NUP188: variants seen among roughly 807,000 people sequenced by gnomAD.
NUP188 encodes nucleoporin 188.
In NUP188, 97 loss-of-function variants were observed where a neutral mutation model predicts 223.0. The observed-to-expected ratio is 0.43, with a 90% confidence interval of 0.37 to 0.51. NUP188 has a LOEUF of 0.51. Among genes scored for constraint, NUP188 ranks in the 20% least tolerant of loss-of-function variants. The probability of loss-of-function intolerance (pLI) is 0.00; values close to 1 mark genes in which losing one functional copy is unlikely to be tolerated. For synonymous variants in NUP188, 869 were observed against 828.0 expected, an observed-to-expected ratio of 1.05 and a Z score of -0.85; for missense variants, 1,947 against 2,175.6, an observed-to-expected ratio of 0.89 and a Z score of 2.09.
intron 6 of NUP188, 58 bp downstream of exon 6, chr9:128,958,112 C>A (rs1257775036): frequency 3.6e-6 from 5 of 1,380,980 alleles, no homozygotes; most frequent in Non-Finnish European, 4.1e-6. Flanking sequence ...AGCTTCTTGA[C>A]CTCATTTTCC....
In NUP188 at chr9:128,966,260, C is replaced by G. The variant is rs943681919; in HGVS notation, c.586-2246C>G. On this transcript the variant is annotated intron_variant, in intron 8 of 43. Coordinates refer to ENST00000372577, the MANE Select transcript of NUP188 (RefSeq NM_015354.3). ...TTTCTGTCTCTGTCTGTCTCTGTGT[C>G]TGTGTGTGTGTGTGTGTGTGTGTGT... is the stretch of plus-strand genomic sequence containing the variant. 1.5e-4 allele frequency among the ~76,000 whole-genome samples: 21 copies of G among 139,640 alleles called. 1 individual carries two copies. Among genetic ancestry groups the G allele is most frequent in the South Asian group, 1.2e-3 (5 of 4,280 alleles). The allele number at this position is 139,640 out of a possible 152,430, so 91.6% of individuals were successfully genotyped here.
intron 12 of NUP188, among the ~76,000 whole-genome samples, chr9:128,975,565 G>C (rs1473033225): frequency 6.6e-6 from 1 of 151,888 alleles, no homozygotes; most frequent in Non-Finnish European, 1.5e-5. Context: ...TGTCGCCCAG[G>C]CTGGAGAGTA....
chr9:128,968,552 A>C lies in NUP188; in HGVS notation c.632A>C (p.Gln211Pro). The C allele has an allele frequency of 6.2e-7, 1 of 1,614,228 alleles. No individual in the cohort carries two copies. Among genetic ancestry groups the C allele is most frequent in the East Asian group, 2.2e-5 (1 of 44,894 alleles). The change falls in exon 9 of 44, where the codon CAG (glutamine) becomes CCG (proline). Residue 211 changes from glutamine (Q) to proline (P), a missense_variant. Physicochemically the swap from Gln to Pro is moderately conservative, Grantham distance 76. Around this residue, in one of 3 missense-constraint regions of NUP188, gnomAD observed 817 missense variants for 865.8 expected, o/e 0.94. Coordinates refer to ENST00000372577, the MANE Select transcript of NUP188 (RefSeq NM_015354.3). ...TGGTTTGTTCAGTGCCTTCGGGAAC[A>C]GTCCATGCTGCTAGAAATTATTTTC... The part of the protein sequence containing the change: ...SRWFVQCLRE[Q>P]SMLLEIIFLY...
intron 8 of NUP188, among the ~76,000 whole-genome samples, chr9:128,960,685 C>T (rs1191820291): frequency 2.0e-5 from 3 of 152,188 alleles, no homozygotes; most frequent in Non-Finnish European, 2.9e-5. Context: ...CACAGTGGCT[C>T]ATGCCTGTAA....
intron 8 of NUP188, among the ~76,000 whole-genome samples, chr9:128,965,156 T>A (rs1296389282): frequency 6.6e-6 from 1 of 152,166 alleles, no homozygotes; most frequent in Non-Finnish European, 1.5e-5. Context: ...ATTCTTTTAT[T>A]TATTGATTAA....
At chr9:128,964,229 GTTT>G (rs1229353003) in intron 8 of NUP188, 2 of 363,390 alleles carry the variant, frequency 5.5e-6, no homozygotes, top group Non-Finnish European at 1.1e-5. Context: ...TTATCCCATT[GTTT>G]TTTGTGGATG....
intron 8 of NUP188, among the ~76,000 whole-genome samples, chr9:128,962,646 C>T (rs370972790): frequency 1.2e-4 from 18 of 152,000 alleles, no homozygotes; most frequent in African/African-American, 4.1e-4. Context: ...GGCCACAGAG[C>T]GAGACTCTGT....
chr9:128,956,917 T>G, intron 4 of NUP188, 35 bp from the exon 5 acceptor site: 18 of 1,470,522 alleles, frequency 1.2e-5, no homozygotes, highest in Non-Finnish European at 1.6e-5. Context: ...GTGCGATTTC[T>G]GAGCTGTTCC....
intron 25 of NUP188, among the ~76,000 whole-genome samples, chr9:128,991,211 C>G (rs1026237860): frequency 7.0e-6 from 1 of 142,334 alleles, no homozygotes; most frequent in African/African-American, 2.6e-5. Context: ...GTCTCCAAGG[C>G]TGTGCTCCAC....
intron 8 of NUP188, among the ~76,000 whole-genome samples, chr9:128,961,271 A>G (rs560757047): frequency 7.2e-5 from 11 of 152,010 alleles, no homozygotes; most frequent in Middle Eastern, 3.4e-3. Flanking sequence ...CAGAGGTTGC[A>G]GTGAGCCGAG....
intron 8 of NUP188, among the ~76,000 whole-genome samples, chr9:128,962,439 C>G (rs17455349): frequency 6.6e-6 from 1 of 151,960 alleles, no homozygotes; most frequent in African/African-American, 2.4e-5. Flanking sequence ...TTAGTAGAGA[C>G]AGGGTTTCAC....
chr9:129,002,947 T>C lies in NUP188; in HGVS notation c.4268T>C (p.Val1423Ala). ...YNFLPEALDFVGVHQERTLQC... is the reference protein window; with the variant it reads ...YNFLPEALDFAGVHQERTLQC... The stretch of plus-strand genomic sequence containing the variant: ...TTCCTGCCTGAGGCCCTGGACTTCG[T>C]GGGTGTCCACCAGGAGCGGACCTTA... The change falls in exon 37 of 44, where the codon GTG becomes GCG. Residue 1423 changes from valine (V) to alanine (A), a missense_variant. Physicochemically the swap from Val to Ala is moderately conservative, Grantham distance 64 (BLOSUM62 0). Transcript: ENST00000372577. 6.2e-7 allele frequency: 1 copy of C among 1,614,178 alleles called. No homozygotes were observed. The highest frequency in any genetic ancestry group is 8.5e-7 in the Non-Finnish European group (1 of 1,180,024).
At chr9:128,951,944 C>G (rs1245551591) in intron 2 of NUP188, among the ~76,000 whole-genome samples, 1 of 152,064 alleles carries the variant, frequency 6.6e-6, no homozygotes. Flanking sequence ...AGGCATACAC[C>G]ACCACGCCCA....
At chr9:129,001,265 T>C (rs1266643289) in intron 34 of NUP188, among the ~76,000 whole-genome samples, 1 of 142,704 alleles carries the variant, frequency 7.0e-6, no homozygotes, top group Non-Finnish European at 1.5e-5. Context: ...GTGGTGGCAG[T>C]GTGGGAGGTG....
chr9:128,949,150 C>T, intron 1 of NUP188, 39 bp from the exon 2 acceptor site: 1 of 1,536,168 alleles, frequency 6.5e-7, no homozygotes, highest in Non-Finnish European at 9.0e-7. Context: ...TTTGTATGAT[C>T]AGAAAGAGCA....
rs913576817 is a variant in NUP188 at position 129,000,907 on chromosome 9, G to A, written c.3844-622G>A. Among the ~76,000 whole-genome samples, 33 of 151,868 alleles carry A rather than the reference G, an allele frequency of 2.2e-4. 1 individual carries two copies. Among genetic ancestry groups the A allele is most frequent in the Admixed American group, 9.8e-4 (15 of 15,262 alleles). On this transcript the variant is annotated intron_variant, in intron 34 of 43. Transcript: ENST00000372577. ...CAAAAAATTAGCCGGGCGTGGTGGC[G>A]GGCACCTGTAGTCCCAGCTACTCGG...
intron 8 of NUP188, among the ~76,000 whole-genome samples, chr9:128,967,900 G>A (rs1842053366): frequency 6.6e-6 from 1 of 152,196 alleles, no homozygotes; most frequent in Non-Finnish European, 1.5e-5. Flanking sequence ...GGTCAAAGCT[G>A]CAGTGAGCTG....
chr9:128,999,118 G>T, intron 32 of NUP188, 54 bp from the exon 33 acceptor site: 2 of 1,539,764 alleles, frequency 1.3e-6, no homozygotes, highest in East Asian at 2.3e-5. Context: ...CTCCCAAAGT[G>T]CTAGGATTAC....
chr9:128,971,645 C>G (rs574034699), intron 11 of NUP188, among the ~76,000 whole-genome samples: 2 of 152,288 alleles, frequency 1.3e-5, no homozygotes, highest in East Asian at 3.9e-4. Context: ...GTCTTGAACT[C>G]CTGACCTCGT....
Sources: allele counts gnomAD v4.1 joint callset (sites outside exome capture counted in the v4.1 genomes callset), GRCh38; gene constraint gnomAD v4.1.1; regional missense constraint gnomAD v4.1.1; transcripts MANE v1.5; gene names NCBI Gene and HGNC (gene_info 2026-07-23, HGNC 2026-07-21).